The following ABL1 variants were observed in gnomAD, a reference collection of about 807,000 sequenced individuals.
The protein encoded by ABL1 is ABL proto-oncogene 1, non-receptor tyrosine kinase, also known as tyrosine-protein kinase ABL1.
In ABL1, 11 loss-of-function variants were observed where a neutral mutation model predicts 94.7. The ratio of observed to expected loss-of-function variants is 0.12; its 90% CI spans 0.07 to 0.19. ABL1 has a LOEUF of 0.19. ABL1 is among the 10% of genes least tolerant of loss of function. The pLI is 1.00. For missense variants in ABL1, 1,082 were observed against 1,489.4 expected (o/e 0.73, Z 4.50); for synonymous variants, 656 against 622.4 (o/e 1.05, Z -0.80).
chr9:130,838,039 A>G (rs192662798), intron 1 of ABL1, among the ~76,000 whole-genome samples: 4 of 152,362 alleles, frequency 2.6e-5, no homozygotes, highest in Admixed American at 2.6e-4. Flanking sequence ...ATGGCTAGCA[A>G]TTATTAAATG....
chr9:130,792,218 G>A (rs138984559), intron 1 of ABL1, among the ~76,000 whole-genome samples: 11 of 152,172 alleles, frequency 7.2e-5, no homozygotes, highest in Non-Finnish European at 1.2e-4. Context: ...CCATTTACAC[G>A]TCGAGTCTTA....
chr9:130,861,778 T>A (rs984434160), intron 3 of ABL1, among the ~76,000 whole-genome samples: 2 of 152,216 alleles, frequency 1.3e-5, no homozygotes, highest in Admixed American at 6.5e-5. Context: ...GTAGATTCAG[T>A]TATGTGCCTG....
chr9:130,864,535 A>G (rs1388592606), intron 4 of ABL1, among the ~76,000 whole-genome samples: 1 of 152,194 alleles, frequency 6.6e-6, no homozygotes, highest in Non-Finnish European at 1.5e-5. Flanking sequence ...ATGAGCCACC[A>G]CACCCGGCCC....
chr9:130,867,329 G>A (rs1224829962), intron 4 of ABL1, among the ~76,000 whole-genome samples: 1 of 152,136 alleles, frequency 6.6e-6, no homozygotes, highest in African/African-American at 2.4e-5. Context: ...ATATACATAA[G>A]GTTGTCTTGT....
At chr9:130,755,018 G>C (rs1442081024) in intron 1 of ABL1, among the ~76,000 whole-genome samples, 1 of 152,120 alleles carries the variant, frequency 6.6e-6, no homozygotes, top group African/African-American at 2.4e-5. Flanking sequence ...GGAGATATTT[G>C]GTGGACATTG....
intron 1 of ABL1, chr9:130,724,863 C>T (rs1298801264): frequency 1.5e-5 from 7 of 463,324 alleles, no homozygotes; most frequent in East Asian, 5.6e-5. Context: ...CCGCTTCATT[C>T]GCCCAGTCCC....
In ABL1 at chr9:130,872,779, C is replaced by A; in HGVS notation, c.908-81C>A. On this transcript the variant is annotated intron_variant, in intron 5 of 10. Transcript: ENST00000318560. The surrounding 1 kb of genome is among the most constrained non-coding windows in gnomAD (Gnocchi z 5.0). ...ACTGAGGAGCAGAGTCAGAATCCTT[C>A]AGAAGGCTTTTTCTTTAGACAGTTG... 1 of 1,442,992 alleles carries A rather than the reference C, an allele frequency of 6.9e-7. No homozygotes were observed. Among genetic ancestry groups the A allele is most frequent in the Non-Finnish European group, 9.4e-7 (1 of 1,059,210 alleles). 89.4% of individuals were successfully genotyped at this position (1,442,992 alleles called of 1,614,324 possible).
chr9:130,874,410 C>T (rs1831306280), intron 6 of ABL1, among the ~76,000 whole-genome samples: 1 of 152,180 alleles, frequency 6.6e-6, no homozygotes, highest in Non-Finnish European at 1.5e-5. Context: ...AGTGGAGATG[C>T]ACTCTGATAG....
intron 3 of ABL1, among the ~76,000 whole-genome samples, chr9:130,858,146 G>C (rs989737849): frequency 1.3e-5 from 2 of 151,592 alleles, no homozygotes; most frequent in African/African-American, 4.9e-5. Context: ...CCCTAGAGCT[G>C]TTTAATCAGC....
intron 1 of ABL1, chr9:130,724,765 A>AG (rs1219482884): frequency 1.3e-4 from 63 of 468,184 alleles, no homozygotes; most frequent in African/African-American, 1.1e-3. Context: ...AAAAAAAAAA[A>AG]AAAAAGCAAA....
At chr9:130,736,665 A>G (rs1831748206) in intron 1 of ABL1, among the ~76,000 whole-genome samples, 2 of 151,856 alleles carry the variant, frequency 1.3e-5, no homozygotes, top group African/African-American at 4.8e-5. Flanking sequence ...CTAATTTTGT[A>G]TTTTTAGTAG....
chr9:130,719,312 TGAGGTCA>T, intron 1 of ABL1, among the ~76,000 whole-genome samples: 1 of 152,194 alleles, frequency 6.6e-6, no homozygotes, highest in East Asian at 1.9e-4. Flanking sequence ...GTGGATCACC[TGAGGTCA>T]GGAGTTTGAG....
intron 1 of ABL1, among the ~76,000 whole-genome samples, chr9:130,752,221 G>T (rs1831975251): frequency 6.6e-6 from 1 of 152,180 alleles, no homozygotes; most frequent in Non-Finnish European, 1.5e-5. Flanking sequence ...AGGCAGGCAG[G>T]CCTAGATGTG....
At chr9:130,856,385 G>A (rs1830976020) in intron 3 of ABL1, among the ~76,000 whole-genome samples, 2 of 152,128 alleles carry the variant, frequency 1.3e-5, no homozygotes, top group Admixed American at 1.3e-4. Flanking sequence ...ACCACGCCTG[G>A]CCGTTTTTGT....
At chr9:130,878,666 GCT>G in intron 8 of ABL1, 99 bp downstream of exon 8, 2 of 1,430,154 alleles carry the variant, frequency 1.4e-6, no homozygotes, top group Non-Finnish European at 1.9e-6. Context: ...TTTTCCATGA[GCT>G]CTCTCCATTC....
chr9:130,862,802 G>C lies in ABL1; in HGVS notation c.589G>C (p.Glu197Gln), dbSNP rs150134901. ...CGAGAGCCGCTTCAACACCCTGGCC[G>C]AGTTGGTTCATCATCATTCAACGGT... is the stretch of plus-strand genomic sequence containing the variant. Reference protein sequence around the residue: ...SSESRFNTLAELVHHHSTVAD... With the variant: ...SSESRFNTLAQLVHHHSTVAD... The change falls in exon 4 of 11, where the codon GAG (glutamate) becomes CAG (glutamine). Residue 197 changes from glutamate (E) to glutamine (Q), a missense_variant. Transcript: ENST00000318560. This position sits in a 1 kb window ranked among gnomAD's most constrained non-coding sequence, Gnocchi z 5.5. 1 of 1,613,806 alleles carries C rather than the reference G, an allele frequency of 6.2e-7. No homozygotes were observed. Among genetic ancestry groups the C allele is most frequent in the Non-Finnish European group, 8.5e-7 (1 of 1,179,984 alleles).
upstream of ABL1, among the ~76,000 whole-genome samples, chr9:130,831,218 ACCTGGGGTCACCTTGT>A (rs1365572026): frequency 2.0e-5 from 3 of 152,120 alleles, no homozygotes; most frequent in Admixed American, 1.3e-4. Flanking sequence ...GGTCAGCCAG[ACCTGGGGTCACCTTGT>A]CCTGGGGTCC....
chr9:130,876,861 C>T (rs1253666329), intron 7 of ABL1, among the ~76,000 whole-genome samples: 3 of 146,124 alleles, frequency 2.1e-5, no homozygotes, highest in South Asian at 2.1e-4. Context: ...CTCAGCCTCC[C>T]GAGTAGCTGA....
At position 130,835,333 on chromosome 9, in the gene ABL1, C is replaced by T. The variant is rs1189090450; in HGVS notation, c.-114C>T. The T allele has an allele frequency of 1.0e-3, 146 of 143,852 alleles. 6 individuals are homozygous for T. The highest frequency in any genetic ancestry group is 1.5e-3 in the African/African-American group (4 of 2,686). 8.9% of individuals were successfully genotyped at this position (143,852 alleles called of 1,614,324 possible). On this transcript the variant is annotated 5_prime_UTR_variant, in exon 1 of 11. Transcript: ENST00000318560. The surrounding 1 kb of genome is among the most constrained non-coding windows in gnomAD (Gnocchi z 4.6). ...CGGGCGCGCGGGGCGGCGGTGAGGG[C>T]GGCTGGCGGGGCCGGGGGCGCCGGG...
Sources: allele counts gnomAD v4.1 joint callset (sites outside exome capture counted in the v4.1 genomes callset), GRCh38; gene constraint gnomAD v4.1.1; non-coding constraint Gnocchi (gnomAD v3.1); transcripts MANE v1.5; gene names NCBI Gene and HGNC (gene_info 2026-07-23, HGNC 2026-07-21).